Variants in ST18 observed in about 807,000 individuals in gnomAD.
ST18 encodes ST18 C2H2C-type zinc finger transcription factor, also known as suppression of tumorigenicity 18 protein.
Under a neutral mutation model 110.0 loss-of-function variants are expected in ST18, and 50 were observed. The ratio of observed to expected loss-of-function variants is 0.45; its 90% CI spans 0.36 to 0.58. The LOEUF (loss-of-function observed/expected upper bound fraction) is 0.58. Ranked by LOEUF, ST18 falls within the 20% of genes least tolerant of loss-of-function variation. The probability of loss-of-function intolerance (pLI) is 0.00; values close to 1 mark genes in which losing one functional copy is unlikely to be tolerated. For synonymous variants in ST18, 461 were observed against 452.4 expected, an observed-to-expected ratio of 1.02 and a Z score of -0.24; for missense variants, 1,306 against 1,280.1, an observed-to-expected ratio of 1.02 and a Z score of -0.31.
chr8:52,390,181 G>A (rs1181207412), intron 2 of ST18, among the ~76,000 whole-genome samples: 3 of 152,202 alleles, frequency 2.0e-5, no homozygotes, highest in African/African-American at 7.2e-5. Flanking sequence ...GAACTCTGAT[G>A]TGGAGTCAAT....
At chr8:52,136,543 C>T in intron 19 of ST18, 47 bp downstream of exon 19, 2 of 1,560,262 alleles carry the variant, frequency 1.3e-6, no homozygotes, top group Non-Finnish European at 8.7e-7. Context: ...ACGAGAGGGT[C>T]CTACCGTGTG....
At chr8:52,207,587 A>G (rs1427713382) in intron 8 of ST18, among the ~76,000 whole-genome samples, 1 of 152,254 alleles carries the variant, frequency 6.6e-6, no homozygotes, top group Non-Finnish European at 1.5e-5. Flanking sequence ...AAAATGCCAA[A>G]TGATAGGATT....
intron 2 of ST18, among the ~76,000 whole-genome samples, chr8:52,330,101 T>G (rs921285437): frequency 2.0e-5 from 3 of 152,224 alleles, no homozygotes; most frequent in Admixed American, 1.3e-4. Context: ...CTTAAGATAT[T>G]CATTTGCCCT....
chr8:52,363,370 T>C (rs1373473104), intron 2 of ST18, among the ~76,000 whole-genome samples: 1 of 152,214 alleles, frequency 6.6e-6, no homozygotes, highest in Non-Finnish European at 1.5e-5. Context: ...TGGGGGTTAT[T>C]TAGGAATATC....
chr8:52,381,339 A>G (rs1040425391), intron 2 of ST18, among the ~76,000 whole-genome samples: 3 of 152,144 alleles, frequency 2.0e-5, no homozygotes, highest in Non-Finnish European at 1.5e-5. Flanking sequence ...AGTCGGCACC[A>G]TGGAGCATGG....
chr8:52,385,893 A>G (rs932533755), intron 2 of ST18, among the ~76,000 whole-genome samples: 1 of 152,130 alleles, frequency 6.6e-6, no homozygotes, highest in Non-Finnish European at 1.5e-5. Flanking sequence ...ACTTGGTTTG[A>G]GAATAAGGAA....
intron 2 of ST18, among the ~76,000 whole-genome samples, chr8:52,282,633 A>T (rs530366725): frequency 6.6e-6 from 1 of 152,104 alleles, no homozygotes; most frequent in African/African-American, 2.4e-5. Context: ...TGGCCAGAAA[A>T]TAGTCCACAG....
chr8:52,139,871 T>G (rs1422207236), intron 17 of ST18, among the ~76,000 whole-genome samples: 1 of 152,200 alleles, frequency 6.6e-6, no homozygotes, highest in Non-Finnish European at 1.5e-5. Flanking sequence ...CAGTTTGGAA[T>G]TTTGATAGCT....
At chr8:52,222,835 C>T (rs1204500184) in intron 3 of ST18, among the ~76,000 whole-genome samples, 2 of 152,188 alleles carry the variant, frequency 1.3e-5, no homozygotes, top group Admixed American at 6.5e-5. Context: ...AATATTCATG[C>T]AGTATACACA....
chr8:52,185,499 C>T (rs2071712238), intron 8 of ST18, among the ~76,000 whole-genome samples: 1 of 152,112 alleles, frequency 6.6e-6, no homozygotes. Flanking sequence ...AGTTGGAAGC[C>T]TTACAATGTT....
chr8:52,116,620 C>G (rs73583956), intron 24 of ST18, among the ~76,000 whole-genome samples: 1 of 152,136 alleles, frequency 6.6e-6, no homozygotes, highest in Non-Finnish European at 1.5e-5. Flanking sequence ...CATCTTCAGC[C>G]CAGACTTCCT....
At position 52,277,112 on chromosome 8, in the gene ST18, G is replaced by T. The variant is rs540449662; in HGVS notation, c.-464-47035C>A. Among the ~76,000 whole-genome samples the T allele has an allele frequency of 5.3e-5, 8 of 152,334 alleles. No homozygotes were observed. The East Asian group carries it at 1.5e-3, about 29-fold the overall frequency. On this transcript the variant is annotated intron_variant, in intron 2 of 25. Transcript: ENST00000689386. ...TTTCAGCTGTGTTGGAGACCTCTTA[G>T]GTCAGAGACTGCCTGAAGGACTGCA...
intron 8 of ST18, among the ~76,000 whole-genome samples, chr8:52,195,445 T>C (rs2075903983): frequency 6.6e-6 from 1 of 152,032 alleles, no homozygotes; most frequent in Non-Finnish European, 1.5e-5. Context: ...GTTATAAAAC[T>C]TAAAAACTAT....
chr8:52,349,271 G>A (rs1198452692), intron 2 of ST18, among the ~76,000 whole-genome samples: 1 of 152,064 alleles, frequency 6.6e-6, no homozygotes, highest in East Asian at 1.9e-4. Flanking sequence ...GGCTTTGTGG[G>A]GTAAAGCTGC....
At chr8:52,315,211 G>A (rs1589838269) in intron 2 of ST18, among the ~76,000 whole-genome samples, 1 of 152,288 alleles carries the variant, frequency 6.6e-6, no homozygotes, top group East Asian at 1.9e-4. Flanking sequence ...ATTCAGTAAG[G>A]AAATTCAACA....
chr8:52,285,361 T>A (rs1319178933), intron 2 of ST18, among the ~76,000 whole-genome samples: 1 of 152,216 alleles, frequency 6.6e-6, no homozygotes, highest in Non-Finnish European at 1.5e-5. Context: ...AACTTCTTGT[T>A]CCATATATCC....
At chr8:52,180,069 C>T (rs778715966) in intron 9 of ST18, 53 bp downstream of exon 9, 4 of 1,573,950 alleles carry the variant, frequency 2.5e-6, no homozygotes, top group Non-Finnish European at 3.5e-6. Context: ...TGAATTAGCA[C>T]AGAGTCCTTG....
At chr8:52,191,516 A>G (rs2134870024) in intron 8 of ST18, among the ~76,000 whole-genome samples, 1 of 152,304 alleles carries the variant, frequency 6.6e-6, no homozygotes, top group South Asian at 2.1e-4. Flanking sequence ...GACATCCACC[A>G]CAGTGGCGGG....
At chr8:52,374,628 A>G (rs1286084520) in intron 2 of ST18, among the ~76,000 whole-genome samples, 1 of 151,952 alleles carries the variant, frequency 6.6e-6, no homozygotes, top group Non-Finnish European at 1.5e-5. Flanking sequence ...AGATCAACCC[A>G]TCACCTAGGT....
Sources: allele counts gnomAD v4.1 joint callset (sites outside exome capture counted in the v4.1 genomes callset), GRCh38; gene constraint gnomAD v4.1.1; transcripts MANE v1.5; gene names NCBI Gene and HGNC (gene_info 2026-07-23, HGNC 2026-07-21).